The following CADPS2 variants were observed in gnomAD, a reference collection of about 807,000 sequenced individuals.
The protein encoded by CADPS2 is calcium-dependent secretion activator 2.
A neutral mutation model predicts 172.5 loss-of-function variants in CADPS2; 93 were observed. The observed-to-expected ratio is 0.54, with a 90% CI of 0.46 to 0.64. The LOEUF (loss-of-function observed/expected upper bound fraction) is 0.64, where lower values mean the gene tolerates loss of function less well. CADPS2 is among the 30% of genes least tolerant of loss of function. CADPS2 has a pLI of 0.00. For synonymous variants in CADPS2, 546 were observed against 555.2 expected, an observed-to-expected ratio of 0.98 and a Z score of 0.23; for missense variants, 1,420 against 1,565.9, an observed-to-expected ratio of 0.91 and a Z score of 1.57.
intron 17 of CADPS2, chr7:122,427,433 A>G (rs1345250635): frequency 6.6e-6 from 1 of 152,206 alleles, no homozygotes; most frequent in African/African-American, 2.4e-5. Flanking sequence ...GGGGATAATT[A>G]CAATAAAGAG....
intron 1 of CADPS2, among the ~76,000 whole-genome samples, chr7:122,881,459 C>G (rs1455997955): frequency 1.3e-5 from 2 of 152,128 alleles, no homozygotes; most frequent in African/African-American, 4.8e-5. Flanking sequence ...TGTTTTAAGT[C>G]CAGTGTGAGG....
chr7:122,545,963 C>G (rs1370797565), intron 8 of CADPS2, among the ~76,000 whole-genome samples: 3 of 151,980 alleles, frequency 2.0e-5, no homozygotes, highest in African/African-American at 7.3e-5. Context: ...ATTAAAAATA[C>G]ATTTGTATTT....
intron 8 of CADPS2, among the ~76,000 whole-genome samples, chr7:122,528,743 T>C (rs1399694669): frequency 6.6e-6 from 1 of 152,178 alleles, no homozygotes; most frequent in African/African-American, 2.4e-5. Flanking sequence ...AAAATAGCTT[T>C]TGACATTTAC....
intron 11 of CADPS2, among the ~76,000 whole-genome samples, chr7:122,484,662 ATTTCT>A (rs1486340981): frequency 7.7e-6 from 1 of 129,560 alleles, no homozygotes; most frequent in East Asian, 2.2e-4. Context: ...AAAATTAAGA[ATTTCT>A]TTTTTTTTTT....
chr7:122,404,868 G>A (rs2046443406), intron 20 of CADPS2, among the ~76,000 whole-genome samples: 1 of 152,184 alleles, frequency 6.6e-6, no homozygotes, highest in African/African-American at 2.4e-5. Flanking sequence ...GCTCATGCCT[G>A]TAATCCCAGC....
At chr7:122,349,472 T>C (rs2038200435) in intron 27 of CADPS2, among the ~76,000 whole-genome samples, 2 of 152,112 alleles carry the variant, frequency 1.3e-5, no homozygotes, top group South Asian at 2.1e-4. Flanking sequence ...TAAATGAAAA[T>C]AGTAGTTCCT....
intron 1 of CADPS2, among the ~76,000 whole-genome samples, chr7:122,768,047 G>T (rs973960053): frequency 6.6e-6 from 1 of 152,156 alleles, no homozygotes; most frequent in African/African-American, 2.4e-5. Context: ...ATTACCATCT[G>T]CAGCCAGTTG....
chr7:122,373,757 C>T (rs368426331), intron 25 of CADPS2, among the ~76,000 whole-genome samples: 5 of 152,100 alleles, frequency 3.3e-5, no homozygotes, highest in East Asian at 3.9e-4. Context: ...AACCTCTCAA[C>T]AAAGAAATGG....
At chr7:122,649,313 A>C (rs1436359870) in intron 3 of CADPS2, among the ~76,000 whole-genome samples, 1 of 151,994 alleles carries the variant, frequency 6.6e-6, no homozygotes, top group African/African-American at 2.4e-5. Flanking sequence ...ACCTTTATTA[A>C]ACTTCAATTA....
chr7:122,764,137 C>T (rs1589061138), intron 1 of CADPS2, among the ~76,000 whole-genome samples: 1 of 152,210 alleles, frequency 6.6e-6, no homozygotes, highest in Non-Finnish European at 1.5e-5. Flanking sequence ...ACTCCAGCTG[C>T]TTCTACACAG....
At chr7:122,506,724 A>AT (rs1162778858) in intron 9 of CADPS2, among the ~76,000 whole-genome samples, 4 of 95,164 alleles carry the variant, frequency 4.2e-5, no homozygotes, top group Admixed American at 1.0e-4. Flanking sequence ...TGCTAGAGTT[A>AT]TTTAAAAAAA....
At chr7:122,815,260 C>T (rs1345481014) in intron 1 of CADPS2, among the ~76,000 whole-genome samples, 2 of 152,128 alleles carry the variant, frequency 1.3e-5, no homozygotes, top group East Asian at 3.9e-4. Context: ...CAAAGCTCAT[C>T]TACTAGAGAT....
chr7:122,318,933 A>G lies in CADPS2; in HGVS notation c.*1232T>C, dbSNP rs1246751471. On this transcript the variant is annotated 3_prime_UTR_variant, in exon 30 of 30. Coordinates refer to ENST00000449022, the MANE Select transcript of CADPS2 (RefSeq NM_017954.11). ...TGCCTTCATTTAAAAATTACTTATT[A>G]ATAAATGCAGTAGCACAATCTGCCA... 2.0e-5 allele frequency: 3 copies of G among 152,344 alleles called. No individual in the cohort carries two copies. The highest frequency in any genetic ancestry group is 7.2e-5 in the African/African-American group (3 of 41,572). The allele number at this position is 152,344 out of a possible 1,614,324, so 9.4% of individuals were successfully genotyped here.
chr7:122,882,617 CTTTTT>C (rs35781696), intron 1 of CADPS2, among the ~76,000 whole-genome samples: 4 of 136,866 alleles, frequency 2.9e-5, no homozygotes, highest in Non-Finnish European at 6.3e-5. Flanking sequence ...CCAAGGAACC[CTTTTT>C]TTTTTTTTTT....
chr7:122,486,028 A>G (rs1182567120), intron 11 of CADPS2, among the ~76,000 whole-genome samples: 1 of 152,132 alleles, frequency 6.6e-6, no homozygotes, highest in Non-Finnish European at 1.5e-5. Context: ...TGCTAGAACA[A>G]AAGAATCTGT....
intron 2 of CADPS2, chr7:122,698,960 G>A: frequency 7.4e-7 from 1 of 1,360,122 alleles, no homozygotes; most frequent in South Asian, 1.4e-5. Flanking sequence ...CCTAACAGTT[G>A]CACATCTGTT....
chr7:122,591,224 C>T (rs1257322893), intron 6 of CADPS2, among the ~76,000 whole-genome samples: 3 of 152,032 alleles, frequency 2.0e-5, no homozygotes, highest in African/African-American at 4.8e-5. Flanking sequence ...CATGAATGAA[C>T]TCCCACTCAC....
At chr7:122,643,576 A>G (rs1041270995) in intron 3 of CADPS2, among the ~76,000 whole-genome samples, 5 of 152,184 alleles carry the variant, frequency 3.3e-5, no homozygotes, top group Admixed American at 2.0e-4. Flanking sequence ...AATGACCTCA[A>G]ACTAAAACTG....
At chr7:122,592,511 T>A (rs1312991813) in intron 6 of CADPS2, among the ~76,000 whole-genome samples, 1 of 152,126 alleles carries the variant, frequency 6.6e-6, no homozygotes, top group East Asian at 1.9e-4. Context: ...GGATTATAAA[T>A]CATGCTGCTA....
Sources: gnomAD v4.1 joint callset for allele counts (sites outside exome capture counted in the v4.1 genomes callset) on GRCh38, gnomAD v4.1.1 for gene constraint, MANE v1.5 for transcripts, NCBI Gene and HGNC (gene_info 2026-07-23, HGNC 2026-07-21) for gene names.